Variants in MYRF observed in about 807,000 individuals in gnomAD.
The protein encoded by MYRF is myelin regulatory factor, also known as myelin gene regulatory factor.
Under a neutral mutation model 126.3 loss-of-function variants are expected in MYRF, and 16 were observed. The observed-to-expected ratio is 0.13, with a 90% CI of 0.09 to 0.19. MYRF has a LOEUF of 0.19. MYRF is among the 10% of genes least tolerant of loss of function. MYRF has a pLI of 1.00. For missense variants in MYRF, 1,104 were observed against 1,547.0 expected, an observed-to-expected ratio of 0.71 and a Z score of 4.80; for synonymous variants, 608 against 635.3, an observed-to-expected ratio of 0.96 and a Z score of 0.65.
rs376393172 is a variant in MYRF, at chr11:61,770,224, C to T, written c.461-22C>T. On this transcript the variant is annotated intron_variant, in intron 4 of 26. Coordinates refer to ENST00000278836, the MANE Select transcript of MYRF (RefSeq NM_001127392.3). ...CTGAGTGAGGTTGGTCTCAGATGCC[C>T]GCTCCCCCATCTCTCCTGCAGAGCC... 144 of 1,570,084 alleles carry T rather than the reference C, an allele frequency of 9.2e-5. 1 individual carries two copies. The Middle Eastern group carries it at 1.2e-3, about 13-fold the overall frequency.
Position 61,786,338 on chromosome 11 carries a change from G to T in MYRF, c.*195G>T. ...GCTGGTCGCCCCTCACGGCACAGAG[G>T]GAACCTGAGAGCCAGAGACTTCTTG... On this transcript the variant is annotated 3_prime_UTR_variant, in exon 27 of 27. Coordinates refer to ENST00000278836, the MANE Select transcript of MYRF (RefSeq NM_001127392.3). This position sits in a 1 kb window ranked among gnomAD's most constrained non-coding sequence, Gnocchi z 4.5. The T allele has an allele frequency of 1.6e-6, 1 of 616,928 alleles. No individual in the cohort carries two copies. Among genetic ancestry groups the T allele is most frequent in the Non-Finnish European group, 2.9e-6 (1 of 349,640 alleles). The allele number at this position is 616,928 out of a possible 1,614,324, so 38.2% of individuals were successfully genotyped here.
intron 8 of MYRF, among the ~76,000 whole-genome samples, chr11:61,775,086 G>A (rs1041544261): frequency 6.6e-6 from 1 of 152,102 alleles, no homozygotes; most frequent in Non-Finnish European, 1.5e-5. Flanking sequence ...TACCTGGTCC[G>A]GTCCTCGCCT....
chr11:61,755,473 G>C (rs1183937803), intron 1 of MYRF: 1 of 1,607,196 alleles, frequency 6.2e-7, no homozygotes, highest in Non-Finnish European at 8.5e-7. Flanking sequence ...GGGGGCTTTG[G>C]ACTCCAGAGC....
At chr11:61,766,508 G>A (rs2066065745) in intron 3 of MYRF, 1 of 427,388 alleles carries the variant, frequency 2.3e-6, no homozygotes, top group South Asian at 5.7e-5. Flanking sequence ...TGGACAGGAA[G>A]CGGCGGGACT....
intron 7 of MYRF, among the ~76,000 whole-genome samples, 173 bp from the exon 8 acceptor site, chr11:61,773,794 A>C (rs1411507216): frequency 6.6e-6 from 1 of 152,106 alleles, no homozygotes; most frequent in African/African-American, 2.4e-5. Context: ...CTGTACTAGA[A>C]TCCTCTCCGG....
Position 61,766,050 on chromosome 11 carries a change from G to A in MYRF, c.227G>A (p.Ser76Asn), listed in dbSNP as rs775076363. Residue 76 changes from serine (S) to asparagine (N), a missense_variant, in exon 3 of 27, where the codon AGC becomes AAC. Physicochemically the swap from Ser to Asn is conservative, Grantham distance 46. Transcript: ENST00000278836. ...MPGSSGVHHLSPPGGGPSPGR... is the reference protein window; with the variant it reads ...MPGSSGVHHLNPPGGGPSPGR... The stretch of plus-strand genomic sequence containing the variant: ...GGCTCCAGCGGGGTCCACCACCTGA[G>A]CCCCCCTGGGGGTGGACCCTCCCCG... The A allele has an allele frequency of 2.1e-4, 339 of 1,601,726 alleles. No individual in the cohort carries two copies. The highest frequency in any genetic ancestry group is 3.3e-4 in the Middle Eastern group (2 of 6,044).
At chr11:61,754,664 C>T (rs2065694985) in intron 1 of MYRF, among the ~76,000 whole-genome samples, 1 of 152,118 alleles carries the variant, frequency 6.6e-6, no homozygotes, top group Non-Finnish European at 1.5e-5. Context: ...TGGGGGCTGA[C>T]GCCACGGCTT....
At position 61,773,530 on chromosome 11, in the gene MYRF, G is replaced by T. The variant is rs545987389; in HGVS notation, c.1116-437G>T. 1.2e-3 allele frequency among the ~76,000 whole-genome samples: 177 copies of T among 152,326 alleles called. 1 individual carries two copies. Among genetic ancestry groups the T allele is most frequent in the African/African-American group, 3.9e-3 (164 of 41,584 alleles). On this transcript the variant is annotated intron_variant, in intron 7 of 26. Transcript: ENST00000278836. ...AGCAGAGCAGGCGCCTGGTTCCACCGTTTCCAGGGCAACTAGCTGTCAGGC... is the reference window on the plus strand; with the variant it reads ...AGCAGAGCAGGCGCCTGGTTCCACCTTTTCCAGGGCAACTAGCTGTCAGGC...
chr11:61,770,345 G>GCCCCCCCCCCCCCCCCC lies in MYRF; in HGVS notation c.566_567insCCCCCCCCCCCCCCCCC (p.Pro195ArgfsTer19). On this transcript the variant is annotated frameshift_variant, in exon 5 of 27. Transcript: ENST00000278836. LOFTEE classifies it high-confidence loss of function. ...CCCCCACCTCCAGCCCACTTGCCAGGCCCCCCGCCACCCCCACCACCCCCA... is the reference window on the plus strand; with the variant it reads ...CCCCCACCTCCAGCCCACTTGCCAGGCCCCCCCCCCCCCCCCCCCCCCCGCCACCCCCACCACCCCCA... The GCCCCCCCCCCCCCCCCC allele has an allele frequency of 1.3e-6, 2 of 1,504,822 alleles. No homozygotes were observed. Among genetic ancestry groups the GCCCCCCCCCCCCCCCCC allele is most frequent in the South Asian group, 1.2e-5 (1 of 82,342 alleles). 93.2% of individuals were successfully genotyped at this position (1,504,822 alleles called of 1,614,324 possible). A position where few individuals can be genotyped will look rare whatever the true frequency, so the allele number is the denominator to read the frequency against.
chr11:61,786,177 C>A lies in MYRF; in HGVS notation c.*34C>A. On this transcript the variant is annotated 3_prime_UTR_variant, in exon 27 of 27. Coordinates refer to ENST00000278836, the MANE Select transcript of MYRF (RefSeq NM_001127392.3). This position sits in a 1 kb window ranked among gnomAD's most constrained non-coding sequence, Gnocchi z 4.5. ...CCTGAGGCAGCACCACACCAGGGAC[C>A]AGGGGTGCCCAGGCACCCCCCAACA... 6.3e-7 allele frequency: 1 copy of A among 1,594,306 alleles called. No homozygotes were observed. Among genetic ancestry groups the A allele is most frequent in the South Asian group, 1.1e-5 (1 of 90,600 alleles).
chr11:61,757,508 C>G lies in MYRF; in HGVS notation c.46+4718C>G. 2 of 456,554 alleles carry G rather than the reference C, an allele frequency of 4.4e-6. No individual in the cohort carries two copies. Among genetic ancestry groups the G allele is most frequent in the South Asian group, 3.1e-5 (2 of 64,558 alleles). The allele number at this position is 456,554 out of a possible 1,614,324, so 28.3% of individuals were successfully genotyped here. On this transcript the variant is annotated intron_variant, in intron 1 of 26. Transcript: ENST00000278836. This position sits in a 1 kb window ranked among gnomAD's most constrained non-coding sequence, Gnocchi z 4.7. Reference sequence around the variant, plus strand: ...CCCTACCTTGAAGATTACTGGTCCCCAGGGTAGGTCAGTGCCCCTAAGCTT... The same window carrying G: ...CCCTACCTTGAAGATTACTGGTCCCGAGGGTAGGTCAGTGCCCCTAAGCTT...
rs530302731 is a variant in MYRF, at chr11:61,757,482, G to T, written c.46+4692G>T. On this transcript the variant is annotated intron_variant, in intron 1 of 26. Coordinates refer to ENST00000278836, the MANE Select transcript of MYRF (RefSeq NM_001127392.3). The surrounding 1 kb of genome is among the most constrained non-coding windows in gnomAD (Gnocchi z 4.7). ...CATTGGTCCATGGCAGGTGTTCTGCGCCCTACCTTGAAGATTACTGGTCCC... is the reference window on the plus strand; with the variant it reads ...CATTGGTCCATGGCAGGTGTTCTGCTCCCTACCTTGAAGATTACTGGTCCC... The T allele has an allele frequency of 4.4e-6, 2 of 456,352 alleles. No individual in the cohort carries two copies. Among genetic ancestry groups the T allele is most frequent in the Non-Finnish European group, 4.4e-6 (1 of 226,818 alleles). The allele number at this position is 456,352 out of a possible 1,614,324, so 28.3% of individuals were successfully genotyped here. A position where few individuals can be genotyped will look rare whatever the true frequency, so the allele number is the denominator to read the frequency against.
At chr11:61,775,959 G>A (rs553935987) in intron 8 of MYRF, 97 bp from the exon 9 acceptor site, 276 of 1,143,652 alleles carry the variant, frequency 2.4e-4, no homozygotes, top group Non-Finnish European at 3.4e-4. Flanking sequence ...GTTTCCTGGT[G>A]AGCTCTAGTT....
At chr11:61,775,350 C>T (rs1227441028) in intron 8 of MYRF, among the ~76,000 whole-genome samples, 2 of 152,216 alleles carry the variant, frequency 1.3e-5, no homozygotes, top group Non-Finnish European at 1.5e-5. Flanking sequence ...CCCTGTGGCT[C>T]CCTTTGCCTT....
Position 61,776,926 on chromosome 11 carries a change from G to A in MYRF, c.1590+49G>A, listed in dbSNP as rs1400980030. On this transcript the variant is annotated intron_variant, in intron 11 of 26. Transcript: ENST00000278836. The surrounding 1 kb of genome is among the most constrained non-coding windows in gnomAD (Gnocchi z 4.3). ...CGTAGACAGCCCTCCCCAGGACTGG[G>A]AGAAACAGCAAGCAGAAGTACCCGG... 1 of 1,457,080 alleles carries A rather than the reference G, an allele frequency of 6.9e-7. No individual in the cohort carries two copies. The highest frequency in any genetic ancestry group is 1.4e-5 in the African/African-American group (1 of 71,084). The allele number at this position is 1,457,080 out of a possible 1,614,324, so 90.3% of individuals were successfully genotyped here. A position where few individuals can be genotyped will look rare whatever the true frequency, so the allele number is the denominator to read the frequency against.
rs769289763 is a variant in MYRF, at chr11:61,769,293, C to G, written c.432C>G (p.Ser144=). 2 of 1,609,902 alleles carry G rather than the reference C, an allele frequency of 1.2e-6. No homozygotes were observed. The highest frequency in any genetic ancestry group is 2.2e-5 in the East Asian group (1 of 44,770). ...TLPDSPPDSG[S]EAYSPQQVNE... ...CGGACTCTCCCCCAGACTCGGGCTCCGAGGCCTACTCCCCCCAGCAGGTGA... is the reference window on the plus strand; with the variant it reads ...CGGACTCTCCCCCAGACTCGGGCTCGGAGGCCTACTCCCCCCAGCAGGTGA... Residue 144 remains serine, a synonymous_variant, in exon 4 of 27, where the codon TCC becomes TCG. Coordinates refer to ENST00000278836, the MANE Select transcript of MYRF (RefSeq NM_001127392.3).
chr11:61,771,463 G>C (rs747796339), intron 5 of MYRF, 37 bp from the exon 6 acceptor site: 1 of 1,590,860 alleles, frequency 6.3e-7, no homozygotes, highest in Admixed American at 1.7e-5. Context: ...GGCTCGGGGA[G>C]AGCCAGCCCC....
rs2066442073 is a variant in MYRF at position 61,778,315 on chromosome 11, T to C, written c.1904-65T>C. The stretch of plus-strand genomic sequence containing the variant: ...TCTCCAGTCTTGCTCCCACTGTACA[T>C]TACAAAGCTGTGAGTAGCCCTTTAC... On this transcript the variant is annotated intron_variant, in intron 13 of 26. Coordinates refer to ENST00000278836, the MANE Select transcript of MYRF (RefSeq NM_001127392.3). The surrounding 1 kb of genome is among the most constrained non-coding windows in gnomAD (Gnocchi z 4.6). 9.1e-7 allele frequency: 1 copy of C among 1,092,980 alleles called. No homozygotes were observed. The highest frequency in any genetic ancestry group is 2.4e-5 in the East Asian group (1 of 42,416). The allele number at this position is 1,092,980 out of a possible 1,614,324, so 67.7% of individuals were successfully genotyped here. A position where few individuals can be genotyped will look rare whatever the true frequency, so the allele number is the denominator to read the frequency against.
chr11:61,764,772 C>G (rs2135738611), intron 1 of MYRF, among the ~76,000 whole-genome samples: 1 of 152,362 alleles, frequency 6.6e-6, no homozygotes, highest in East Asian at 1.9e-4. Flanking sequence ...CCCTGGCTGC[C>G]TTTCCTCTAG....
Sources: allele counts gnomAD v4.1 joint callset (sites outside exome capture counted in the v4.1 genomes callset), GRCh38; gene constraint gnomAD v4.1.1; non-coding constraint Gnocchi (gnomAD v3.1); transcripts MANE v1.5; gene names NCBI Gene and HGNC (gene_info 2026-07-23, HGNC 2026-07-21).